Variants in RNF150 observed in about 807,000 individuals in gnomAD.
RNF150 encodes the protein ring finger protein 150.
Under a neutral mutation model 39.3 loss-of-function variants are expected in RNF150, and 24 were observed. The observed-to-expected ratio is 0.61, with a 90% CI of 0.44 to 0.86. The LOEUF is 0.86. Ranked by LOEUF, RNF150 falls within the 40% of genes least tolerant of loss-of-function variation. RNF150 has a pLI of 0.00. For missense variants in RNF150, 502 were observed against 587.8 expected, an observed-to-expected ratio of 0.85 and a Z score of 1.51; for synonymous variants, 255 against 227.3, an observed-to-expected ratio of 1.12 and a Z score of -1.10.
chr4:140,979,767 C>T (rs1733793566), intron 1 of RNF150, among the ~76,000 whole-genome samples: 1 of 152,036 alleles, frequency 6.6e-6, no homozygotes, highest in East Asian at 1.9e-4. Context: ...GGGCAAGTTG[C>T]CATTTCTGCA....
chr4:140,936,665 T>C (rs1731874470), intron 4 of RNF150, among the ~76,000 whole-genome samples: 2 of 151,994 alleles, frequency 1.3e-5, no homozygotes, highest in Admixed American at 1.3e-4. Context: ...TTATAAAAAA[T>C]AAAAATACTT....
chr4:141,118,282 T>C (rs1275824527), intron 1 of RNF150, among the ~76,000 whole-genome samples: 1 of 152,208 alleles, frequency 6.6e-6, no homozygotes, highest in Non-Finnish European at 1.5e-5. Context: ...TTGAGGCTGC[T>C]GCCCTATGAC....
At chr4:140,994,951 T>C (rs950566627) in intron 1 of RNF150, among the ~76,000 whole-genome samples, 4 of 152,214 alleles carry the variant, frequency 2.6e-5, no homozygotes, top group African/African-American at 9.6e-5. Flanking sequence ...AAACAGGTAT[T>C]TATAACTTCA....
intron 2 of RNF150, among the ~76,000 whole-genome samples, chr4:140,967,166 A>G (rs562378761): frequency 6.6e-6 from 1 of 152,260 alleles, no homozygotes. Flanking sequence ...AGAGACACAC[A>G]TGGGAAGGCA....
At chr4:140,897,541 G>A (rs1730009196) in intron 6 of RNF150, among the ~76,000 whole-genome samples, 2 of 152,150 alleles carry the variant, frequency 1.3e-5, no homozygotes, top group Admixed American at 1.3e-4. Flanking sequence ...GGGCTTTGAT[G>A]AGAGTGACAA....
intron 2 of RNF150, among the ~76,000 whole-genome samples, chr4:140,954,305 C>A (rs377704314): frequency 6.6e-6 from 1 of 152,272 alleles, no homozygotes; most frequent in South Asian, 2.1e-4. Flanking sequence ...GCCTCTGCTT[C>A]TCGGGTTCAA....
chr4:141,143,763 C>T (rs906620840), intron 1 of RNF150, among the ~76,000 whole-genome samples: 8 of 152,106 alleles, frequency 5.3e-5, no homozygotes, highest in Non-Finnish European at 1.0e-4. Flanking sequence ...AGCTTTGGTT[C>T]CACTCTCTTC....
intron 2 of RNF150, among the ~76,000 whole-genome samples, chr4:140,949,795 A>T (rs1286349390): frequency 1.3e-5 from 2 of 152,164 alleles, no homozygotes; most frequent in African/African-American, 4.8e-5. Context: ...GACAATCAGG[A>T]TTCATTGCTT....
intron 1 of RNF150, among the ~76,000 whole-genome samples, chr4:141,015,051 T>G (rs1371080846): frequency 6.6e-6 from 1 of 152,202 alleles, no homozygotes; most frequent in African/African-American, 2.4e-5. Flanking sequence ...ATATCTGGTA[T>G]TCTCAACACC....
At chr4:141,008,606 C>T (rs1386758516) in intron 1 of RNF150, among the ~76,000 whole-genome samples, 2 of 152,108 alleles carry the variant, frequency 1.3e-5, no homozygotes, top group Non-Finnish European at 2.9e-5. Context: ...GGTTCAAAGG[C>T]CTTTTGTTCC....
intron 6 of RNF150, among the ~76,000 whole-genome samples, chr4:140,908,636 A>C (rs1730481517): frequency 6.6e-6 from 1 of 152,186 alleles, no homozygotes; most frequent in Admixed American, 6.5e-5. Context: ...AAACATCTAC[A>C]GAATGGTCAC....
chr4:141,067,701 A>T (rs1336527618), intron 1 of RNF150, among the ~76,000 whole-genome samples: 2 of 152,158 alleles, frequency 1.3e-5, no homozygotes, highest in African/African-American at 4.8e-5. Flanking sequence ...AAAGGATATG[A>T]CTATAAATTA....
At chr4:141,162,294 G>C (rs1727527856) in intron 1 of RNF150, among the ~76,000 whole-genome samples, 1 of 152,174 alleles carries the variant, frequency 6.6e-6, no homozygotes, top group Non-Finnish European at 1.5e-5. Flanking sequence ...GCTGGGTTTT[G>C]GACTTGCATG....
At chr4:140,915,064 T>C (rs913274738) in intron 5 of RNF150, among the ~76,000 whole-genome samples, 1 of 152,188 alleles carries the variant, frequency 6.6e-6, no homozygotes, top group African/African-American at 2.4e-5. Flanking sequence ...AGAATCAGGA[T>C]GAAATTCATA....
chr4:141,001,899 C>A (rs10030949), intron 1 of RNF150, among the ~76,000 whole-genome samples: 145,711 of 152,190 alleles, frequency 0.96, 70,060 homozygotes, highest in East Asian at 1. Flanking sequence ...TTATTAGTAA[C>A]AATTATTTTA....
At chr4:140,960,740 T>C (rs1014915783) in intron 2 of RNF150, among the ~76,000 whole-genome samples, 11 of 152,124 alleles carry the variant, frequency 7.2e-5, no homozygotes, top group Admixed American at 7.2e-4. Context: ...TGTTTCAAAG[T>C]GTGTCAATAG....
At chr4:140,998,865 T>C (rs1012310628) in intron 1 of RNF150, among the ~76,000 whole-genome samples, 7 of 152,154 alleles carry the variant, frequency 4.6e-5, no homozygotes, top group Non-Finnish European at 8.8e-5. Flanking sequence ...CAGCAAAATA[T>C]GTCACTACCA....
At chr4:140,871,583 GA>G (rs1728939278) in intron 6 of RNF150, among the ~76,000 whole-genome samples, 2 of 151,994 alleles carry the variant, frequency 1.3e-5, no homozygotes, top group Non-Finnish European at 2.9e-5. Flanking sequence ...AATTAAACTG[GA>G]AGTCAACCAA....
intron 1 of RNF150, among the ~76,000 whole-genome samples, chr4:141,094,278 C>G (rs1335807300): frequency 1.3e-5 from 2 of 152,134 alleles, no homozygotes; most frequent in African/African-American, 4.8e-5. Context: ...TGAAAGGCAT[C>G]TAACACAAAG....
Sources: allele counts gnomAD v4.1 joint callset (sites outside exome capture counted in the v4.1 genomes callset), GRCh38; gene constraint gnomAD v4.1.1; transcripts MANE v1.5; gene names NCBI Gene and HGNC (gene_info 2026-07-23, HGNC 2026-07-21).